The following MICAL3 variants were observed in gnomAD, a reference collection of about 807,000 sequenced individuals.
MICAL3 encodes microtubule associated monooxygenase, calponin and LIM domain containing 3, also known as [F-actin]-monooxygenase MICAL3.
MICAL3 carries 62 observed loss-of-function variants against 207.4 expected under a neutral mutation model. The ratio of observed to expected loss-of-function variants is 0.30; its 90% CI spans 0.24 to 0.37. The LOEUF is 0.37. MICAL3 is among the 10% of genes least tolerant of loss of function. MICAL3 has a pLI of 1.00. For missense variants in MICAL3, 2,368 were observed against 2,635.6 expected (o/e 0.90, Z 2.22); for synonymous variants, 1,077 against 1,069.3 (o/e 1.01, Z -0.14).
At chr22:17,985,800 C>T (rs978588275) in intron 1 of MICAL3, among the ~76,000 whole-genome samples, 1 of 152,156 alleles carries the variant, frequency 6.6e-6, no homozygotes, top group African/African-American at 2.4e-5. Flanking sequence ...TCTTCACCCT[C>T]CTTTAGGACC....
At chr22:17,839,136 G>A (rs1461405372) in intron 20 of MICAL3, among the ~76,000 whole-genome samples, 1 of 151,038 alleles carries the variant, frequency 6.6e-6, no homozygotes, top group Non-Finnish European at 1.5e-5. Flanking sequence ...ATTTTTTGTA[G>A]AGACGGGGTT....
In MICAL3 at chr22:17,821,625, C is replaced by T. The variant is rs919248730; in HGVS notation, c.3449-116G>A. On this transcript the variant is annotated intron_variant, in intron 24 of 31. Transcript: ENST00000441493. Reference sequence around the variant, plus strand: ...GAGGGTAGAGGGCGAGTCGCTGAGTCGGCTCCCAGTTCTCCTGGAAAGCAC... The same window carrying T: ...GAGGGTAGAGGGCGAGTCGCTGAGTTGGCTCCCAGTTCTCCTGGAAAGCAC... 20 of 825,980 alleles carry T rather than the reference C, an allele frequency of 2.4e-5. 1 individual carries two copies. The highest frequency in any genetic ancestry group is 1.7e-4 in the East Asian group (6 of 34,946). The allele number at this position is 825,980 out of a possible 1,614,324, so 51.2% of individuals were successfully genotyped here.
At chr22:18,023,574 AC>A (rs1569171284) in intron 1 of MICAL3, among the ~76,000 whole-genome samples, 2 of 152,258 alleles carry the variant, frequency 1.3e-5, no homozygotes, top group Non-Finnish European at 2.9e-5. Context: ...TGGAGTCATA[AC>A]CATTTGATTC....
In MICAL3 at chr22:17,906,448, C is replaced by T; in HGVS notation, c.264+101G>A. On this transcript the variant is annotated intron_variant, in intron 2 of 31. Coordinates refer to ENST00000441493, the MANE Select transcript of MICAL3 (RefSeq NM_015241.3). ...GCCATAGAACTTCTTGGCACCCAGA[C>T]CTTGTAGATCATATATGGTGAATGG... 6 of 1,604,158 alleles carry T rather than the reference C, an allele frequency of 3.7e-6. No individual in the cohort carries two copies. In the South Asian group the frequency reaches 5.5e-5, roughly 15 times the overall value.
In MICAL3 at chr22:17,896,721, C is replaced by T. The variant is rs936343543; in HGVS notation, c.1206+3G>A. On this transcript the variant is annotated splice_donor_region_variant and intron_variant, in intron 8 of 31. Transcript: ENST00000441493. ...ACAGAGTGCTGCCATGCTTAGCACT[C>T]ACCTCTAGGAGGCTGTCCCCGACCA... The T allele has an allele frequency of 1.2e-6, 2 of 1,613,040 alleles. No homozygotes were observed. The highest frequency in any genetic ancestry group is 1.7e-6 in the Non-Finnish European group (2 of 1,179,502).
At chr22:17,985,272 G>A (rs573123275) in intron 1 of MICAL3, among the ~76,000 whole-genome samples, 1 of 151,888 alleles carries the variant, frequency 6.6e-6, no homozygotes, top group Non-Finnish European at 1.5e-5. Context: ...CGAGCGTGCT[G>A]CGTGCCCGAT....
chr22:17,892,701 C>T (rs531350328), intron 11 of MICAL3, among the ~76,000 whole-genome samples: 2 of 152,216 alleles, frequency 1.3e-5, no homozygotes, highest in South Asian at 4.1e-4. Flanking sequence ...ACACTCTCTG[C>T]TTTCAAAGAG....
chr22:17,817,791 C>T lies in MICAL3; in HGVS notation c.4870G>A (p.Glu1624Lys). The change falls in exon 26 of 32, where the codon GAG becomes AAG. Residue 1624 changes from glutamate (E) to lysine (K), a missense_variant. Physicochemically the swap from Glu to Lys is moderately conservative, Grantham distance 56. This residue lies in a region of MICAL3 where 1,770 missense variants were observed against 1,863.2 expected (regional missense o/e 0.95). Coordinates refer to ENST00000441493, the MANE Select transcript of MICAL3 (RefSeq NM_015241.3). ...ARQLSRMQQM[E>K]LASGAPRPRK... ...GGCCTGGGGGCGCCTGAGGCCAGCT[C>T]CATCTGCTGCATCCTGCTCAGCTGC... The T allele has an allele frequency of 6.2e-7, 1 of 1,605,198 alleles. No individual in the cohort carries two copies. The highest frequency in any genetic ancestry group is 8.5e-7 in the Non-Finnish European group (1 of 1,175,440).
chr22:17,927,916 G>A (rs929317210), intron 1 of MICAL3, among the ~76,000 whole-genome samples: 3 of 152,072 alleles, frequency 2.0e-5, no homozygotes, highest in Admixed American at 1.3e-4. Flanking sequence ...GTGGCTCTGC[G>A]TCTGGTTTCT....
chr22:17,903,977 G>A (rs186670577), intron 3 of MICAL3, among the ~76,000 whole-genome samples: 10 of 152,326 alleles, frequency 6.6e-5, no homozygotes, highest in African/African-American at 2.2e-4. Context: ...GTCAAACACC[G>A]CTGATTGCAT....
intron 1 of MICAL3, among the ~76,000 whole-genome samples, chr22:17,958,696 G>GTTTTT (rs1569147160): frequency 7.9e-6 from 1 of 126,354 alleles, no homozygotes; most frequent in African/African-American, 3.9e-5. Context: ...TGAGTTGTTG[G>GTTTTT]GTTTTTTTAT....
intron 8 of MICAL3, 98 bp from the exon 9 acceptor site, chr22:17,896,459 G>T: frequency 1.2e-6 from 1 of 819,942 alleles, no homozygotes; most frequent in Non-Finnish European, 2.0e-6. Context: ...CGACAGTAGT[G>T]TTTGGCAACT....
intron 17 of MICAL3, 56 bp from the exon 18 acceptor site, chr22:17,866,068 G>C: frequency 7.5e-7 from 1 of 1,335,016 alleles, no homozygotes; most frequent in Non-Finnish European, 1.1e-6. Context: ...GATCCTGAAC[G>C]TGCCTCCCTG....
intron 1 of MICAL3, among the ~76,000 whole-genome samples, chr22:17,972,579 C>T (rs986875476): frequency 2.6e-5 from 4 of 152,148 alleles, no homozygotes; most frequent in African/African-American, 9.7e-5. Flanking sequence ...ATCTTCAGGG[C>T]CTTGGAGGCA....
At position 17,845,488 on chromosome 22, in the gene MICAL3, C is replaced by T. The variant is rs73384576; in HGVS notation, c.2606-3471G>A. On this transcript the variant is annotated intron_variant, in intron 19 of 31. Transcript: ENST00000441493. The stretch of plus-strand genomic sequence containing the variant: ...ACGACGTGTCAAGTACCATGAGCCA[C>T]GTATGCACTCATGGGAGAACATAGA... 3.1e-3 allele frequency among the ~76,000 whole-genome samples: 468 copies of T among 152,178 alleles called. 3 individuals are homozygous for T. Among genetic ancestry groups the T allele is most frequent in the African/African-American group, 0.011 (440 of 41,486 alleles).
chr22:17,838,093 C>T (rs766738163), intron 20 of MICAL3, among the ~76,000 whole-genome samples: 3 of 152,216 alleles, frequency 2.0e-5, no homozygotes, highest in Non-Finnish European at 2.9e-5. Context: ...GTGTGAGCCA[C>T]CATGCCTGGC....
intron 1 of MICAL3, chr22:18,005,358 G>A (rs1259342190): frequency 6.6e-6 from 1 of 152,228 alleles, no homozygotes; most frequent in South Asian, 2.1e-4. Context: ...CTACAGCTCA[G>A]AGAGCATGAC....
chr22:17,804,056 G>GT (rs1204517854), intron 29 of MICAL3, among the ~76,000 whole-genome samples: 1 of 152,210 alleles, frequency 6.6e-6, no homozygotes, highest in Non-Finnish European at 1.5e-5. Flanking sequence ...CACACATGCC[G>GT]TATCTGCATA....
rs531094747 is a variant in MICAL3, at chr22:17,812,608, T to C, written c.5446-1795A>G. ...CAAAACAGAATAGTAATAATAATAATGATTAACAAATTAAAAATTAAGAAC... is the reference window on the plus strand; with the variant it reads ...CAAAACAGAATAGTAATAATAATAACGATTAACAAATTAAAAATTAAGAAC... On this transcript the variant is annotated intron_variant, in intron 27 of 31. Transcript: ENST00000441493. 884 of 859,212 alleles carry C rather than the reference T, an allele frequency of 1.0e-3. 1 individual carries two copies. The highest frequency in any genetic ancestry group is 1.2e-3 in the Non-Finnish European group (845 of 714,856). 53.2% of individuals were successfully genotyped at this position (859,212 alleles called of 1,614,324 possible).
Sources: allele counts gnomAD v4.1 joint callset (sites outside exome capture counted in the v4.1 genomes callset), GRCh38; gene constraint gnomAD v4.1.1; regional missense constraint gnomAD v4.1.1; transcripts MANE v1.5; gene names NCBI Gene and HGNC (gene_info 2026-07-23, HGNC 2026-07-21).